RNF130: variants seen among roughly 807,000 people sequenced by gnomAD.
RNF130 encodes ring finger protein 130, also known as E3 ubiquitin-protein ligase RNF130.
In RNF130, 21 loss-of-function variants were observed where a neutral mutation model predicts 44.6. The observed-to-expected ratio is 0.47, with a 90% CI of 0.33 to 0.68. The LOEUF is 0.68. Ranked by LOEUF, RNF130 falls within the 30% of genes least tolerant of loss-of-function variation. RNF130 has a pLI of 0.02. For missense variants in RNF130, 479 were observed against 560.6 expected, an observed-to-expected ratio of 0.85 and a Z score of 1.47; for synonymous variants, 214 against 210.4, an observed-to-expected ratio of 1.02 and a Z score of -0.15.
chr5:179,952,805 A>C (rs116401803), downstream of RNF130, among the ~76,000 whole-genome samples: 530 of 152,300 alleles, frequency 3.5e-3, 5 homozygotes, highest in African/African-American at 0.012. Flanking sequence ...CATGATAAAA[A>C]CGTTCAATAA....
chr5:179,935,759 G>C (rs1198573385), intron 7 of RNF130, among the ~76,000 whole-genome samples: 2 of 147,776 alleles, frequency 1.4e-5, no homozygotes, highest in Non-Finnish European at 3.0e-5. Flanking sequence ...TAGTGGCTAT[G>C]CTGGCCTAGA....
intron 8 of RNF130, among the ~76,000 whole-genome samples, chr5:179,961,399 C>T (rs145064746): frequency 1.5e-3 from 226 of 152,236 alleles, no homozygotes; most frequent in African/African-American, 5.3e-3. Context: ...CTAAGTAAGG[C>T]ATGGATCTAA....
At chr5:180,066,095 T>C (rs1453123621) in intron 1 of RNF130, among the ~76,000 whole-genome samples, 2 of 152,232 alleles carry the variant, frequency 1.3e-5, no homozygotes, top group Non-Finnish European at 2.9e-5. Flanking sequence ...CCCTCTGATA[T>C]GGTTTGGCTC....
At chr5:180,011,223 C>G (rs1438434209) in intron 3 of RNF130, among the ~76,000 whole-genome samples, 1 of 152,040 alleles carries the variant, frequency 6.6e-6, no homozygotes, top group Non-Finnish European at 1.5e-5. Context: ...CAACTGAATG[C>G]AAAATCCAAT....
At chr5:179,927,772 A>G (rs1262524732) in intron 7 of RNF130, among the ~76,000 whole-genome samples, 1 of 151,338 alleles carries the variant, frequency 6.6e-6, no homozygotes, top group Non-Finnish European at 1.5e-5. Context: ...TTGTATTTTT[A>G]GTAGAGATAG....
intron 3 of RNF130, among the ~76,000 whole-genome samples, chr5:179,985,175 T>TG (rs398000100): frequency 6.7e-6 from 1 of 149,566 alleles, no homozygotes; most frequent in Non-Finnish European, 1.5e-5. Flanking sequence ...TTTTTTTTTT[T>TG]GCCATATCCA....
intron 3 of RNF130, among the ~76,000 whole-genome samples, chr5:180,001,945 GTAC>G (rs1210285004): frequency 6.6e-6 from 1 of 152,342 alleles, no homozygotes; most frequent in East Asian, 1.9e-4. Context: ...GGGACATGGT[GTAC>G]TATATCAGCT....
intron 3 of RNF130, among the ~76,000 whole-genome samples, chr5:180,010,327 G>A (rs1304490976): frequency 6.7e-6 from 1 of 150,068 alleles, no homozygotes; most frequent in Non-Finnish European, 1.5e-5. Flanking sequence ...AACTCTAGAG[G>A]TTACATACTA....
At chr5:179,935,780 C>CT (rs34733825) in intron 7 of RNF130, among the ~76,000 whole-genome samples, 59,970 of 150,514 alleles carry the variant, frequency 0.4, 12,703 homozygotes, top group East Asian at 0.64. Flanking sequence ...GATCATTTTA[C>CT]TTTTTTTTTA....
At chr5:180,047,329 C>T (rs1204338835) in intron 1 of RNF130, among the ~76,000 whole-genome samples, 1 of 152,152 alleles carries the variant, frequency 6.6e-6, no homozygotes, top group Non-Finnish European at 1.5e-5. Flanking sequence ...TTAGGTGGAG[C>T]TTTCATTCTC....
At chr5:179,974,593 A>C (rs1024529372) in intron 5 of RNF130, among the ~76,000 whole-genome samples, 2 of 152,254 alleles carry the variant, frequency 1.3e-5, no homozygotes, top group African/African-American at 4.8e-5. Flanking sequence ...TGAATCGTTA[A>C]GGAAAGATGG....
intron 1 of RNF130, among the ~76,000 whole-genome samples, chr5:180,062,779 G>C (rs1765017349): frequency 6.6e-6 from 1 of 152,184 alleles, no homozygotes; most frequent in South Asian, 2.1e-4. Context: ...TATCTGACTG[G>C]AATGCTGAAG....
At chr5:180,056,405 C>G (rs60044157) in intron 1 of RNF130, among the ~76,000 whole-genome samples, 6,183 of 152,214 alleles carry the variant, frequency 0.041, 175 homozygotes, top group African/African-American at 0.066. Flanking sequence ...GAGGCTGCAA[C>G]AGGTGTGGAG....
intron 7 of RNF130, among the ~76,000 whole-genome samples, chr5:179,942,801 T>C (rs1378042776): frequency 6.6e-6 from 1 of 152,252 alleles, no homozygotes; most frequent in South Asian, 2.1e-4. Flanking sequence ...TAGAACATCC[T>C]CTGCGAATTT....
chr5:180,004,556 G>A (rs1182972858), intron 3 of RNF130, among the ~76,000 whole-genome samples: 2 of 152,092 alleles, frequency 1.3e-5, no homozygotes, highest in Non-Finnish European at 2.9e-5. Flanking sequence ...GTTTGTTAGG[G>A]GCCAGATTAT....
chr5:180,000,302 C>G (rs1400744997), intron 3 of RNF130, among the ~76,000 whole-genome samples: 1 of 152,170 alleles, frequency 6.6e-6, no homozygotes, highest in Non-Finnish European at 1.5e-5. Flanking sequence ...TCTTATGTGA[C>G]TTGATGCTGT....
chr5:180,025,357 G>C (rs1763961391), intron 2 of RNF130, among the ~76,000 whole-genome samples: 2 of 152,150 alleles, frequency 1.3e-5, no homozygotes, highest in Admixed American at 6.5e-5. Flanking sequence ...TGCCAGTGAG[G>C]AAAGAGAAGC....
intron 8 of RNF130, among the ~76,000 whole-genome samples, chr5:179,961,509 A>C (rs1208889892): frequency 6.6e-6 from 1 of 152,202 alleles, no homozygotes; most frequent in African/African-American, 2.4e-5. Flanking sequence ...ATGTCTACTG[A>C]GCACTCTCAT....
chr5:179,963,977 T>C (rs1014852536), intron 7 of RNF130: 1 of 180,916 alleles, frequency 5.5e-6, no homozygotes, highest in African/African-American at 2.4e-5. Context: ...AGGGCTTTCA[T>C]TCTTAGTCAA....
Sources: allele counts gnomAD v4.1 joint callset (sites outside exome capture counted in the v4.1 genomes callset), GRCh38; gene constraint gnomAD v4.1.1; transcripts MANE v1.5; gene names NCBI Gene and HGNC (gene_info 2026-07-23, HGNC 2026-07-21).